Variants in OSBPL1A observed in about 807,000 individuals in gnomAD.
OSBPL1A encodes oxysterol binding protein like 1A.
Under a neutral mutation model 137.1 loss-of-function variants are expected in OSBPL1A, and 80 were observed. That is an observed-to-expected ratio of 0.58 (90% CI 0.49 to 0.70). The LOEUF (loss-of-function observed/expected upper bound fraction) is 0.70. OSBPL1A is among the 30% of genes least tolerant of loss of function. The pLI, the probability that OSBPL1A is intolerant of heterozygous loss-of-function variation, is 0.00. For missense variants in OSBPL1A, 970 were observed against 1,129.4 expected (o/e 0.86, Z 2.02); for synonymous variants, 365 against 389.7 (o/e 0.94, Z 0.75).
intron 20 of OSBPL1A, 83 bp downstream of exon 20, chr18:24,179,655 T>C (rs970664209): frequency 2.0e-5 from 23 of 1,165,888 alleles, no homozygotes; most frequent in South Asian, 1.9e-4. Context: ...TCCTATATAA[T>C]TGTTATTCGT....
intron 15 of OSBPL1A, among the ~76,000 whole-genome samples, chr18:24,249,496 G>A (rs1406783121): frequency 1.3e-5 from 2 of 152,144 alleles, no homozygotes; most frequent in Non-Finnish European, 2.9e-5. Context: ...TCATATCTCT[G>A]AAAAAGGTAT....
chr18:24,189,741 C>T (rs898731684), intron 18 of OSBPL1A, among the ~76,000 whole-genome samples: 13 of 152,284 alleles, frequency 8.5e-5, no homozygotes, highest in East Asian at 3.9e-4. Flanking sequence ...ACCGATTACA[C>T]GCAGATGAGT....
In OSBPL1A at chr18:24,247,584, T is replaced by C. The variant is rs1410676466; in HGVS notation, c.1282-8202A>G. ...CTCAAGTGATCCTCCCACCTCAGCC[T>C]CCCAAGGAGCTGGGACTACAGGAGC... On this transcript the variant is annotated intron_variant, in intron 15 of 27. Coordinates refer to ENST00000319481, the MANE Select transcript of OSBPL1A (RefSeq NM_080597.4). Among the ~76,000 whole-genome samples the C allele has an allele frequency of 3.9e-5, 6 of 152,146 alleles. No individual in the cohort carries two copies. The East Asian group carries it at 7.7e-4, about 20-fold the overall frequency.
intron 2 of OSBPL1A, among the ~76,000 whole-genome samples, chr18:24,374,918 C>T (rs561252008): frequency 3.0e-4 from 45 of 152,182 alleles, no homozygotes; most frequent in African/African-American, 1.1e-3. Context: ...GAAAACCTGC[C>T]TCTCCACCAC....
At position 24,333,065 on chromosome 18, in the gene OSBPL1A, C is replaced by T. The variant is rs766711049; in HGVS notation, c.502G>A (p.Asp168Asn). 1 of 1,613,970 alleles carries T rather than the reference C, an allele frequency of 6.2e-7. No homozygotes were observed. Among genetic ancestry groups the T allele is most frequent in the Admixed American group, 1.7e-5 (1 of 59,996 alleles). The stretch of plus-strand genomic sequence containing the variant: ...CCTAACTGATCCGAACAGTTAACAT[C>T]AGGAGGATTGGGCCTGTTGAGCTAA... ...TALLNRPNPPDVNCSDQLGNT... is the reference protein window; with the variant it reads ...TALLNRPNPPNVNCSDQLGNT... Residue 168 changes from aspartate to asparagine, a missense_variant, in exon 7 of 28, where the codon GAT becomes AAT. Physicochemically the swap from Asp to Asn is conservative, Grantham distance 23 (BLOSUM62 1). Around this residue, in one of 2 missense-constraint regions of OSBPL1A, gnomAD observed 647 missense variants for 672.6 expected, o/e 0.96. Transcript: ENST00000319481.
At chr18:24,244,810 A>G (rs1213586838) in intron 15 of OSBPL1A, among the ~76,000 whole-genome samples, 3 of 152,332 alleles carry the variant, frequency 2.0e-5, no homozygotes, top group East Asian at 3.9e-4. Context: ...CTACGCTCTC[A>G]TTCTAGAAAG....
At chr18:24,333,394 A>G (rs1424551942) in intron 6 of OSBPL1A, among the ~76,000 whole-genome samples, 2 of 152,168 alleles carry the variant, frequency 1.3e-5, no homozygotes, top group Non-Finnish European at 2.9e-5. Context: ...ACATGCCCCT[A>G]CCAGGCTTGC....
intron 1 of OSBPL1A, among the ~76,000 whole-genome samples, chr18:24,394,276 C>T (rs1349929357): frequency 1.3e-5 from 2 of 152,094 alleles, no homozygotes; most frequent in Non-Finnish European, 2.9e-5. Context: ...AATAAAAAAC[C>T]AACCATATCA....
chr18:24,381,049 A>T (rs1182119753), intron 1 of OSBPL1A, among the ~76,000 whole-genome samples: 2 of 152,186 alleles, frequency 1.3e-5, no homozygotes, highest in African/African-American at 4.8e-5. Context: ...TAAAGAAAAA[A>T]TTATTCAGTG....
chr18:24,373,189 G>C (rs2146200702), intron 2 of OSBPL1A, among the ~76,000 whole-genome samples: 1 of 152,234 alleles, frequency 6.6e-6, no homozygotes, highest in African/African-American at 2.4e-5. Context: ...CAATGAATAA[G>C]AAATGTCAAG....
intron 17 of OSBPL1A, among the ~76,000 whole-genome samples, chr18:24,217,065 C>G (rs1370534509): frequency 1.3e-5 from 2 of 152,078 alleles, no homozygotes; most frequent in Admixed American, 6.5e-5. Flanking sequence ...AGGGTCCTGT[C>G]AGAGGGACAC....
chr18:24,308,730 G>A (rs2090556393), intron 13 of OSBPL1A, among the ~76,000 whole-genome samples: 1 of 152,040 alleles, frequency 6.6e-6, no homozygotes, highest in Non-Finnish European at 1.5e-5. Flanking sequence ...CACTTGAAAT[G>A]TGGCTAATAT....
At chr18:24,355,985 C>CAAAAA (rs200338021) in intron 4 of OSBPL1A, among the ~76,000 whole-genome samples, 1 of 97,428 alleles carries the variant, frequency 1.0e-5, no homozygotes, top group Non-Finnish European at 2.2e-5. Context: ...ACTCTTGTCT[C>CAAAAA]AAAAAAAAAA....
chr18:24,303,794 CA>C, intron 13 of OSBPL1A, 76 bp from the exon 14 acceptor site: 1 of 1,243,202 alleles, frequency 8.0e-7, no homozygotes, highest in East Asian at 2.3e-5. Flanking sequence ...GTGTTTCTAT[CA>C]AAACTTTCAG....
At chr18:24,395,415 C>A (rs1008509445) in intron 1 of OSBPL1A, among the ~76,000 whole-genome samples, 1 of 152,024 alleles carries the variant, frequency 6.6e-6, no homozygotes, top group Non-Finnish European at 1.5e-5. Flanking sequence ...TGACACAGTT[C>A]CACTTAAAAA....
At chr18:24,274,915 A>T (rs2089811224) in intron 15 of OSBPL1A, among the ~76,000 whole-genome samples, 2 of 144,514 alleles carry the variant, frequency 1.4e-5, no homozygotes, top group South Asian at 4.4e-4. Context: ...TCTCAAAATT[A>T]AAAAAAAAAA....
intron 19 of OSBPL1A, 60 bp downstream of exon 19, chr18:24,181,085 C>A: frequency 1.3e-6 from 2 of 1,554,356 alleles, no homozygotes; most frequent in South Asian, 1.2e-5. Flanking sequence ...TGTGTGTGTT[C>A]GGGGCTGGGT....
Position 24,390,071 on chromosome 18 carries a change from T to C in OSBPL1A, c.-3+7584A>G, listed in dbSNP as rs16940691. Among the ~76,000 whole-genome samples, 1,354 of 152,290 alleles carry C rather than the reference T, an allele frequency of 8.9e-3. 17 individuals are homozygous for C. Among genetic ancestry groups the C allele is most frequent in the African/African-American group, 0.03 (1,259 of 41,550 alleles). On this transcript the variant is annotated intron_variant, in intron 1 of 27. Transcript: ENST00000319481. ...GCCAGAAACTGAAAATATTTAACAA[T>C]GTGCCCTTTTCAGGAATAGAGTTCT...
intron 4 of OSBPL1A, among the ~76,000 whole-genome samples, chr18:24,361,670 T>C (rs2091622463): frequency 6.6e-6 from 1 of 152,096 alleles, no homozygotes; most frequent in African/African-American, 2.4e-5. Context: ...AAACAAGACA[T>C]GATAATTCCT....
Sources: gnomAD v4.1 joint callset for allele counts (sites outside exome capture counted in the v4.1 genomes callset) on GRCh38, gnomAD v4.1.1 for gene constraint, gnomAD v4.1.1 regional missense constraint, MANE v1.5 for transcripts, NCBI Gene and HGNC (gene_info 2026-07-23, HGNC 2026-07-21) for gene names.